The following UNC79 variants were observed in gnomAD, a reference collection of about 807,000 sequenced individuals.
UNC79 encodes the protein protein unc-79 homolog.
In UNC79, 37 loss-of-function variants were observed where a neutral mutation model predicts 283.1. The observed-to-expected ratio is 0.13, with a 90% CI of 0.10 to 0.17. The LOEUF (loss-of-function observed/expected upper bound fraction) is 0.17. UNC79 is among the 10% of genes least tolerant of loss of function. The pLI, the probability that UNC79 is intolerant of heterozygous loss-of-function variation, is 1.00. For synonymous variants in UNC79, 1,107 were observed against 1,200.2 expected, an observed-to-expected ratio of 0.92 and a Z score of 1.61; for missense variants, 2,272 against 3,211.1, an observed-to-expected ratio of 0.71 and a Z score of 7.07.
At chr14:93,696,759 A>T (rs895353021) in intron 47 of UNC79, among the ~76,000 whole-genome samples, 13 of 152,014 alleles carry the variant, frequency 8.6e-5, no homozygotes, top group African/African-American at 3.1e-4. Context: ...TGGAATTTTT[A>T]ATTTTGATGA....
At chr14:93,460,139 T>C (rs1341642499) in intron 1 of UNC79, among the ~76,000 whole-genome samples, 1 of 121,130 alleles carries the variant, frequency 8.3e-6, no homozygotes, top group Non-Finnish European at 1.7e-5. Flanking sequence ...CCATCCTGGC[T>C]AACACGGTGA....
Position 93,670,242 on chromosome 14 carries a change from A to G in UNC79, c.6637-3109A>G, listed in dbSNP as rs565669662. 2.6e-5 allele frequency among the ~76,000 whole-genome samples: 4 copies of G among 152,272 alleles called. No homozygotes were observed. The South Asian group carries it at 8.3e-4, about 32-fold the overall frequency. Reference sequence around the variant, plus strand: ...GCAATGGATTCTGCAGAATAGACTCATTTCTATTCTGACACTAATTACCTG... The same window carrying G: ...GCAATGGATTCTGCAGAATAGACTCGTTTCTATTCTGACACTAATTACCTG... On this transcript the variant is annotated intron_variant, in intron 40 of 48. Transcript: ENST00000555664.
Position 93,549,025 on chromosome 14 carries a change from G to A in UNC79, c.1755+6329G>A, listed in dbSNP as rs559625884. On this transcript the variant is annotated intron_variant, in intron 14 of 48. Transcript: ENST00000555664. ...GTATGATTCCCCAATGTGGCAAAAA[G>A]AACATCCTTTTTAACAAACCCAAAT... 2.0e-5 allele frequency among the ~76,000 whole-genome samples: 3 copies of A among 152,172 alleles called. No individual in the cohort carries two copies. The East Asian group carries it at 5.8e-4, about 29-fold the overall frequency.
chr14:93,391,349 A>C (rs2054879312), intron 1 of UNC79, among the ~76,000 whole-genome samples: 1 of 152,226 alleles, frequency 6.6e-6, no homozygotes, highest in African/African-American at 2.4e-5. Flanking sequence ...GGTTGTAGGC[A>C]TGAAGGTGCA....
chr14:93,439,703 T>G (rs1203848692), intron 1 of UNC79, among the ~76,000 whole-genome samples: 2 of 152,082 alleles, frequency 1.3e-5, no homozygotes, highest in African/African-American at 2.4e-5. Context: ...TTTTTTAGAG[T>G]TCCCCTGTAA....
intron 41 of UNC79, among the ~76,000 whole-genome samples, chr14:93,681,520 A>G (rs1457149838): frequency 6.6e-6 from 1 of 152,074 alleles, no homozygotes; most frequent in Non-Finnish European, 1.5e-5. Flanking sequence ...TTACTCTGCG[A>G]CCCTAGTTGT....
intron 20 of UNC79, among the ~76,000 whole-genome samples, chr14:93,586,372 G>A (rs530611849): frequency 2.7e-4 from 41 of 152,328 alleles, no homozygotes; most frequent in African/African-American, 8.4e-4. Flanking sequence ...GATGGACTGC[G>A]CAGTGGAAAA....
chr14:93,604,844 G>T, intron 26 of UNC79, 52 bp from the exon 27 acceptor site: 1 of 1,489,316 alleles, frequency 6.7e-7, no homozygotes, highest in South Asian at 1.3e-5. Context: ...TATTTTCTAG[G>T]CTCCAGTTGT....
intron 20 of UNC79, among the ~76,000 whole-genome samples, chr14:93,583,356 GCTCCTGGGAGCCCA>G (rs572808208): frequency 0.014 from 2,112 of 152,078 alleles, 61 homozygotes; most frequent in African/African-American, 0.049. Context: ...AGAATAGCTT[GCTCCTGGGAGCCCA>G]CTCCAGTATC....
At chr14:93,481,205 A>T (rs2058120941) in intron 4 of UNC79, among the ~76,000 whole-genome samples, 2 of 152,244 alleles carry the variant, frequency 1.3e-5, no homozygotes, top group South Asian at 4.1e-4. Flanking sequence ...TTTTCTTTTT[A>T]ACTCCTTCCA....
chr14:93,694,445 T>G (rs745480477), intron 47 of UNC79, 33 bp downstream of exon 50: 13 of 1,571,232 alleles, frequency 8.3e-6, no homozygotes, highest in Admixed American at 5.0e-5. Context: ...AAAGACCATT[T>G]CTTACTGCTA....
intron 1 of UNC79, chr14:93,347,264 G>A (rs751465395): frequency 6.2e-7 from 1 of 1,600,634 alleles, no homozygotes; most frequent in Non-Finnish European, 8.5e-7. Flanking sequence ...CTCACCTGAC[G>A]CGATATGCCT....
Position 93,617,299 on chromosome 14 carries a change from T to G in UNC79, c.4219T>G (p.Tyr1407Asp), listed in dbSNP as rs751952043. ...GTTGAAGGCCTTGCTTGTCATCCTTTACAAGGTGAGCTGGGTGGTCACTGC... is the reference window on the plus strand; with the variant it reads ...GTTGAAGGCCTTGCTTGTCATCCTTGACAAGGTGAGCTGGGTGGTCACTGC... The change falls in exon 28 of 49, where the codon TAC becomes GAC. Residue 1407 changes from tyrosine to aspartate, a missense_variant. Physicochemically the swap from Tyr to Asp is radical, Grantham distance 160. Transcript: ENST00000555664. This position sits in a 1 kb window ranked among gnomAD's most constrained non-coding sequence, Gnocchi z 4.5. The G allele has an allele frequency of 1.9e-6, 3 of 1,614,018 alleles. No homozygotes were observed. The highest frequency in any genetic ancestry group is 1.7e-6 in the Non-Finnish European group (2 of 1,179,932).
intron 27 of UNC79, among the ~76,000 whole-genome samples, chr14:93,615,978 C>T (rs2066694632): frequency 6.6e-6 from 1 of 151,648 alleles, no homozygotes; most frequent in African/African-American, 2.4e-5. Context: ...ATATATATGC[C>T]ACCTTTTTAA....
intron 35 of UNC79, among the ~76,000 whole-genome samples, chr14:93,649,176 C>T (rs937269450): frequency 1.3e-5 from 2 of 152,154 alleles, no homozygotes; most frequent in African/African-American, 2.4e-5. Flanking sequence ...TATATGATAG[C>T]ATAACTGTAG....
intron 1 of UNC79, among the ~76,000 whole-genome samples, chr14:93,375,430 G>A (rs2054535166): frequency 6.6e-6 from 1 of 152,200 alleles, no homozygotes; most frequent in Non-Finnish European, 1.5e-5. Flanking sequence ...CTGCCTTCAT[G>A]TATGGATTAA....
At chr14:93,701,028 T>C (rs762914851) in intron 47 of UNC79, among the ~76,000 whole-genome samples, 12 of 151,926 alleles carry the variant, frequency 7.9e-5, no homozygotes, top group Non-Finnish European at 1.5e-4. Flanking sequence ...AGATCTCTCC[T>C]GTCCAGTACT....
In UNC79 at chr14:93,550,514, CAA is replaced by C. The variant is rs1205210121; in HGVS notation, c.1755+7844_1755+7845del. Among the ~76,000 whole-genome samples the C allele has an allele frequency of 7.8e-4, 15 of 19,194 alleles. No individual in the cohort carries two copies. The East Asian group carries it at 0.041, about 52-fold the overall frequency. The allele number at this position is 19,194 out of a possible 152,430, so 12.6% of individuals were successfully genotyped here. ...TGGGAGACAGAGCAAGACTCCGTAT[CAA>C]AAAAAAAAAAAAAAAAAAAAAAAAA... On this transcript the variant is annotated intron_variant, in intron 14 of 48. Coordinates refer to ENST00000555664, the Ensembl canonical transcript of UNC79.
intron 20 of UNC79, 111 bp downstream of exon 20, chr14:93,582,455 T>C: frequency 7.0e-7 from 1 of 1,437,574 alleles, no homozygotes; most frequent in South Asian, 1.4e-5. Flanking sequence ...GTGGTTTCCT[T>C]AGTATAGACT....
Sources: allele counts gnomAD v4.1 joint callset (sites outside exome capture counted in the v4.1 genomes callset), GRCh38; gene constraint gnomAD v4.1.1; non-coding constraint Gnocchi (gnomAD v3.1); transcripts MANE v1.5; gene names NCBI Gene and HGNC (gene_info 2026-07-23, HGNC 2026-07-21).